ZSCAN20: variants seen among roughly 807,000 people sequenced by gnomAD.
ZSCAN20 encodes zinc finger and SCAN domain-containing protein 20.
In ZSCAN20, 39 loss-of-function variants were observed where a neutral mutation model predicts 97.1. That is an observed-to-expected ratio of 0.40 (90% CI 0.31 to 0.52). The LOEUF (loss-of-function observed/expected upper bound fraction) is 0.52, where lower values mean the gene tolerates loss of function less well. Among genes scored for constraint, ZSCAN20 ranks in the 20% least tolerant of loss-of-function variants. The pLI is 0.49. For missense variants in ZSCAN20, 1,115 were observed against 1,290.4 expected (o/e 0.86, Z 2.08); for synonymous variants, 456 against 467.3 (o/e 0.98, Z 0.31).
intron 2 of ZSCAN20, among the ~76,000 whole-genome samples, chr1:33,483,333 C>T (rs765221733): frequency 6.6e-6 from 1 of 150,954 alleles, no homozygotes; most frequent in Non-Finnish European, 1.5e-5. Flanking sequence ...TACCTTTGCT[C>T]GTTTATCAAA....
chr1:33,475,661 T>C (rs1013181814), intron 1 of ZSCAN20, among the ~76,000 whole-genome samples: 2 of 152,076 alleles, frequency 1.3e-5, no homozygotes, highest in Non-Finnish European at 1.5e-5. Flanking sequence ...TCTTTCTTTT[T>C]TTTTTCTTCT....
rs1283602598 is a variant in ZSCAN20, at chr1:33,488,626, G to T, written c.579G>T (p.Val193=). The change falls in exon 3 of 8, where the codon GTG becomes GTT. Residue 193 remains valine (V), a synonymous_variant. Coordinates refer to ENST00000684572, the MANE Select transcript of ZSCAN20 (RefSeq NM_001377376.1). ...PDLPNHLNAE[V]APQPLKESAV... ...TTCCCAATCACCTAAATGCCGAGGT[G>T]GCACCACAGCCTTTGAAAGAGAGTG... 6.2e-7 allele frequency: 1 copy of T among 1,612,872 alleles called. No individual in the cohort carries two copies. The highest frequency in any genetic ancestry group is 8.5e-7 in the Non-Finnish European group (1 of 1,179,642).
rs1416887570 is a variant in ZSCAN20 at position 33,488,505 on chromosome 1, CAG to C, written c.459_460del (p.Glu155ArgfsTer15). ...ACAGAAGAGACCAGGCCCTTAAAGACAGGGGAAGAAGCTCAGAGCTTCCAGCT... is the reference window on the plus strand; with the variant it reads ...ACAGAAGAGACCAGGCCCTTAAAGACGGGAAGAAGCTCAGAGCTTCCAGCT... On this transcript the variant is annotated frameshift_variant, in exon 3 of 8. Coordinates refer to ENST00000684572, the MANE Select transcript of ZSCAN20 (RefSeq NM_001377376.1). LOFTEE classifies it high-confidence loss of function. 8 of 1,613,942 alleles carry C rather than the reference CAG, an allele frequency of 5.0e-6. No individual in the cohort carries two copies. The highest frequency in any genetic ancestry group is 6.8e-6 in the Non-Finnish European group (8 of 1,179,994).
At chr1:33,478,367 GAAT>G (rs1364699724) in intron 1 of ZSCAN20, among the ~76,000 whole-genome samples, 1 of 151,972 alleles carries the variant, frequency 6.6e-6, no homozygotes, top group African/African-American at 2.4e-5. Context: ...GGATCTTAGA[GAAT>G]GATGATGACC....
In ZSCAN20 at chr1:33,494,274, G is replaced by T. The variant is rs777816103; in HGVS notation, c.1930G>T (p.Gly644Cys). The change falls in exon 8 of 8, where the codon GGT becomes TGT. Residue 644 changes from glycine (G) to cysteine (C), a missense_variant. Physicochemically the swap from Gly to Cys is radical, Grantham distance 159. Coordinates refer to ENST00000684572, the MANE Select transcript of ZSCAN20 (RefSeq NM_001377376.1). ...DQISEQDIFE[G>C]LPGALSKCPT... ...GATTTCAGAGCAGGACATTTTTGAGGGTTTGCCTGGAGCCTTATCAAAATG... is the reference window on the plus strand; with the variant it reads ...GATTTCAGAGCAGGACATTTTTGAGTGTTTGCCTGGAGCCTTATCAAAATG... The T allele has an allele frequency of 6.2e-7, 1 of 1,606,350 alleles. No homozygotes were observed. Among genetic ancestry groups the T allele is most frequent in the East Asian group, 2.2e-5 (1 of 44,768 alleles).
rs757967622 is a variant in ZSCAN20, at chr1:33,479,625, G to A, written c.337G>A (p.Ala113Thr). The change falls in exon 2 of 8, where the codon GCA (alanine) becomes ACA (threonine). Residue 113 changes from alanine to threonine, a missense_variant. Physicochemically the swap from Ala to Thr is moderately conservative, Grantham distance 58. Transcript: ENST00000684572. ...TAGGGAGGTCCAGACCTGGGTGCAG[G>A]CACGCCACCCTGAGAGTGGTGAGGA... is the stretch of plus-strand genomic sequence containing the variant. ...LPREVQTWVQ[A>T]RHPESGEEAV... is the part of the protein sequence containing the mutation. 6.2e-7 allele frequency: 1 copy of A among 1,612,094 alleles called. No individual in the cohort carries two copies. Among genetic ancestry groups the A allele is most frequent in the Non-Finnish European group, 8.5e-7 (1 of 1,179,074 alleles).
chr1:33,490,616 A>G (rs1222579378), intron 5 of ZSCAN20, among the ~76,000 whole-genome samples: 1 of 151,190 alleles, frequency 6.6e-6, no homozygotes, highest in Non-Finnish European at 1.5e-5. Flanking sequence ...GTGGCAATGG[A>G]TGCCTAGCAG....
In ZSCAN20 at chr1:33,491,562, C is replaced by T; in HGVS notation, c.1304C>T (p.Ala435Val). 6.2e-7 allele frequency: 1 copy of T among 1,614,056 alleles called. No homozygotes were observed. The highest frequency in any genetic ancestry group is 8.5e-7 in the Non-Finnish European group (1 of 1,179,990). The change falls in exon 6 of 8, where the codon GCA (alanine) becomes GTA (valine). Residue 435 changes from alanine to valine, a missense_variant. Physicochemically the swap from Ala to Val is moderately conservative, Grantham distance 64. This residue lies in a region of ZSCAN20 where 508 missense variants were observed against 611.2 expected (regional missense o/e 0.83). Coordinates refer to ENST00000684572, the MANE Select transcript of ZSCAN20 (RefSeq NM_001377376.1). The surrounding 1 kb of genome is among the most constrained non-coding windows in gnomAD (Gnocchi z 4.3). ...CTTCCCAGGCTCGGGTATAGTGACG[C>T]AGAGATGGATGAGCAGGAGGAAGGG... ...VALPRLGYSD[A>V]EMDEQEEGGW...
Position 33,479,499 on chromosome 1 carries a change from C to G in ZSCAN20, c.211C>G (p.Gln71Glu), listed in dbSNP as rs1240793170. 1 of 1,612,754 alleles carries G rather than the reference C, an allele frequency of 6.2e-7. No homozygotes were observed. The highest frequency in any genetic ancestry group is 1.1e-5 in the South Asian group (1 of 91,014). The change falls in exon 2 of 8, where the codon CAG becomes GAG. Residue 71 changes from glutamine to glutamate, a missense_variant. Physicochemically the swap from Gln to Glu is conservative, Grantham distance 29. Transcript: ENST00000684572. ...AGCTGGACCCCACGAGGCCTTCAGC[C>G]AGCTCTGGGCTCTCTGCTGTCGTTG... ...DAAGPHEAFS[Q>E]LWALCCRWLR...
At chr1:33,477,714 C>CTG (rs1366722643) in intron 1 of ZSCAN20, among the ~76,000 whole-genome samples, 3 of 149,720 alleles carry the variant, frequency 2.0e-5, no homozygotes, top group Non-Finnish European at 4.4e-5. Flanking sequence ...ACACCATCAT[C>CTG]ATTAGTCAAT....
intron 1 of ZSCAN20, among the ~76,000 whole-genome samples, chr1:33,474,868 C>T (rs1301824183): frequency 6.6e-6 from 1 of 152,216 alleles, no homozygotes; most frequent in African/African-American, 2.4e-5. Context: ...TTGCTAGGTC[C>T]TTATACCCAT....
At chr1:33,483,266 TCATGTGGATGTCCAG>T (rs1652224362) in intron 2 of ZSCAN20, among the ~76,000 whole-genome samples, 3 of 137,576 alleles carry the variant, frequency 2.2e-5, no homozygotes, top group Non-Finnish European at 3.2e-5. Flanking sequence ...TTTTTTTTTT[TCATGTGGATGTCCAG>T]TTTTAGTATC....
chr1:33,475,769 C>T (rs950676843), intron 1 of ZSCAN20, among the ~76,000 whole-genome samples: 6 of 152,014 alleles, frequency 3.9e-5, no homozygotes, highest in Admixed American at 1.3e-4. Context: ...AAGCAATTCT[C>T]CTGCCTCAGC....
chr1:33,488,327 C>A, intron 2 of ZSCAN20, 138 bp from the exon 3 acceptor site: 1 of 787,994 alleles, frequency 1.3e-6, no homozygotes, highest in Non-Finnish European at 2.0e-6. Flanking sequence ...CAAACTCACT[C>A]TGATGGCTTT....
At position 33,493,636 on chromosome 1, in the gene ZSCAN20, T is replaced by C; in HGVS notation, c.1873+21T>C. 6.5e-7 allele frequency: 1 copy of C among 1,527,104 alleles called. No homozygotes were observed. Among genetic ancestry groups the C allele is most frequent in the Non-Finnish European group, 8.8e-7 (1 of 1,138,656 alleles). The allele number at this position is 1,527,104 out of a possible 1,614,324, so 94.6% of individuals were successfully genotyped here. On this transcript the variant is annotated intron_variant, in intron 7 of 7. Coordinates refer to ENST00000684572, the MANE Select transcript of ZSCAN20 (RefSeq NM_001377376.1). The surrounding 1 kb of genome is among the most constrained non-coding windows in gnomAD (Gnocchi z 4.3). ...CATGGGTAAGCCTGGAGTAATTGGA[T>C]GTTCTCAAAATCTGTGGGCATGTGG...
intron 6 of ZSCAN20, chr1:33,492,229 C>A (rs529272465): frequency 6.6e-6 from 1 of 152,488 alleles, no homozygotes; most frequent in Non-Finnish European, 1.5e-5. Context: ...GTCTTATAGA[C>A]GCACAGGTAG....
intron 2 of ZSCAN20, among the ~76,000 whole-genome samples, chr1:33,487,853 TG>T (rs1459788997): frequency 1.3e-4 from 20 of 152,100 alleles, no homozygotes; most frequent in African/African-American, 4.8e-4. Context: ...GGGTCTGCTA[TG>T]TTGCCCAGGC....
At position 33,476,740 on chromosome 1, in the gene ZSCAN20, G is replaced by A. The variant is rs183902329; in HGVS notation, c.-110-2439G>A. The stretch of plus-strand genomic sequence containing the variant: ...TTCAAAAAGAAATTTCATGAAAGGC[G>A]AATTCTTTAGGTTCAAAAAGAAATT... On this transcript the variant is annotated intron_variant, in intron 1 of 7. Coordinates refer to ENST00000684572, the MANE Select transcript of ZSCAN20 (RefSeq NM_001377376.1). Among the ~76,000 whole-genome samples the A allele has an allele frequency of 4.3e-3, 651 of 152,276 alleles. 1 individual carries two copies. The highest frequency in any genetic ancestry group is 7.4e-3 in the Non-Finnish European group (504 of 68,004).
chr1:33,493,128 C>G lies in ZSCAN20; in HGVS notation c.1445-59C>G, dbSNP rs1327764333. 14 of 1,541,996 alleles carry G rather than the reference C, an allele frequency of 9.1e-6. No individual in the cohort carries two copies. Among genetic ancestry groups the G allele is most frequent in the Non-Finnish European group, 9.7e-6 (11 of 1,128,812 alleles). On this transcript the variant is annotated intron_variant, in intron 6 of 7. Coordinates refer to ENST00000684572, the MANE Select transcript of ZSCAN20 (RefSeq NM_001377376.1). This position sits in a 1 kb window ranked among gnomAD's most constrained non-coding sequence, Gnocchi z 4.3. Reference sequence around the variant, plus strand: ...TTTGAAGGGCAGGTGACTTTATTCTCTGATGACCTAGGCACATCTCATTAA... The same window carrying G: ...TTTGAAGGGCAGGTGACTTTATTCTGTGATGACCTAGGCACATCTCATTAA...
Sources: allele counts gnomAD v4.1 joint callset (sites outside exome capture counted in the v4.1 genomes callset), GRCh38; gene constraint gnomAD v4.1.1; regional missense constraint gnomAD v4.1.1; non-coding constraint Gnocchi (gnomAD v3.1); transcripts MANE v1.5; gene names NCBI Gene and HGNC (gene_info 2026-07-23, HGNC 2026-07-21).